ANKRD26: variants seen among roughly 807,000 people sequenced by gnomAD.
ANKRD26 encodes ankyrin repeat domain 26.
ANKRD26 carries 141 observed loss-of-function variants against 208.7 expected under a neutral mutation model. The ratio of observed to expected loss-of-function variants is 0.68; its 90% CI spans 0.59 to 0.78. The LOEUF (loss-of-function observed/expected upper bound fraction) is 0.78. Among genes scored for constraint, ANKRD26 ranks in the 30% least tolerant of loss-of-function variants. The probability of loss-of-function intolerance (pLI) is 0.00; values close to 1 mark genes in which losing one functional copy is unlikely to be tolerated. For synonymous variants in ANKRD26, 636 were observed against 660.4 expected (o/e 0.96, Z 0.57); for missense variants, 1,889 against 1,938.7 (o/e 0.97, Z 0.48).
At chr10:27,003,965 T>A (rs910652829), downstream of ANKRD26, among the ~76,000 whole-genome samples, 3 of 152,174 alleles carry the variant, frequency 2.0e-5, no homozygotes, top group Non-Finnish European at 2.9e-5. Context: ...ATTGGCAAAA[T>A]CTGCGTAAGG....
chr10:27,051,445 T>C (rs1396226228), intron 16 of ANKRD26: 6 of 1,085,014 alleles, frequency 5.5e-6, no homozygotes, highest in African/African-American at 1.7e-5. Flanking sequence ...TTCCAGTTAG[T>C]GGTATTTCGG....
At position 27,027,663 on chromosome 10, in the gene ANKRD26, G is replaced by A. The variant is rs147148561; in HGVS notation, c.3972+1189C>T. ...AAAGTCAAGAGGACTTGCACTACTA[G>A]TAGCAAGTAGTATTACCATGAATAC... On this transcript the variant is annotated intron_variant, in intron 27 of 33. Transcript: ENST00000376087. 5.9e-5 allele frequency among the ~76,000 whole-genome samples: 9 copies of A among 152,220 alleles called. No individual in the cohort carries two copies. The East Asian group carries it at 1.3e-3, about 23-fold the overall frequency.
the ANKRD26 span, among the ~76,000 whole-genome samples, chr10:26,965,605 G>A: frequency 3.9e-5 from 6 of 152,106 alleles, no homozygotes; most frequent in Non-Finnish European, 7.3e-5. Flanking sequence ...CCAAAGCAAT[G>A]GCAACAAAAG....
intron 24 of ANKRD26, 68 bp downstream of exon 24, chr10:27,034,728 A>T: frequency 2.0e-6 from 2 of 993,348 alleles, no homozygotes; most frequent in Non-Finnish European, 3.0e-6. Context: ...AGTTAACTAC[A>T]TAACTATATA....
At chr10:26,991,459 G>A (rs186539532), downstream of ANKRD26, among the ~76,000 whole-genome samples, 296 of 150,794 alleles carry the variant, frequency 2.0e-3, no homozygotes, top group African/African-American at 6.8e-3. Context: ...TTTTTGAGAC[G>A]GAGTTTCACT....
intron 17 of ANKRD26, 99 bp downstream of exon 17, chr10:27,048,702 A>G (rs1255636367): frequency 2.3e-6 from 3 of 1,302,254 alleles, no homozygotes; most frequent in South Asian, 1.3e-5. Flanking sequence ...TCCCTTGCAT[A>G]GTAAAAGTAT....
intron 29 of ANKRD26, among the ~76,000 whole-genome samples, chr10:27,018,144 T>C (rs948914203): frequency 1.4e-5 from 2 of 145,926 alleles, no homozygotes; most frequent in East Asian, 4.0e-4. Flanking sequence ...CCCTATAATT[T>C]TTTTTTTTTT....
chr10:27,079,128 C>T lies in ANKRD26; in HGVS notation c.774G>A (p.Trp258Ter), dbSNP rs771021699. The change falls in exon 7 of 34, where the codon TGG becomes TGA. Residue 258 changes from tryptophan (W) to a stop codon, truncating the protein, a stop_gained. Transcript: ENST00000376087. LOFTEE classifies it high-confidence loss of function. ...LSGKPGVDDS[W>*]PTSDDEDLNF... ...TGAGGTCTTCGTCATCTGAGGTAGG[C>T]CATGAATCATCAACACCCGGTTTGC... The T allele has an allele frequency of 6.2e-7, 1 of 1,613,688 alleles. No individual in the cohort carries two copies. Among genetic ancestry groups the T allele is most frequent in the Non-Finnish European group, 8.5e-7 (1 of 1,179,836 alleles).
chr10:27,005,476 A>T lies in ANKRD26; in HGVS notation c.*114T>A. On this transcript the variant is annotated 3_prime_UTR_variant, in exon 34 of 34. Coordinates refer to ENST00000376087, the MANE Select transcript of ANKRD26 (RefSeq NM_014915.3). ...TGTTTAAAATACTATATAAATTTTG[A>T]TCTGACATATATGATACAAAAATAC... 2.7e-6 allele frequency: 4 copies of T among 1,486,172 alleles called. No individual in the cohort carries two copies. The highest frequency in any genetic ancestry group is 3.6e-6 in the Non-Finnish European group (4 of 1,122,322). 92.1% of individuals were successfully genotyped at this position (1,486,172 alleles called of 1,614,324 possible).
rs1205015736 is a variant in ANKRD26, at chr10:27,029,000, T to C, written c.3879-55A>G. On this transcript the variant is annotated intron_variant, in intron 26 of 33. Coordinates refer to ENST00000376087, the MANE Select transcript of ANKRD26 (RefSeq NM_014915.3). ...TCACAGATAAATTTTTAAAATACTG[T>C]GTAATTTCTTAGCAAACACCTGAAG... is the stretch of plus-strand genomic sequence containing the variant. The C allele has an allele frequency of 2.8e-6, 4 of 1,406,768 alleles. No individual in the cohort carries two copies. In the East Asian group the frequency reaches 1.0e-4, roughly 35 times the overall value. The allele number at this position is 1,406,768 out of a possible 1,614,324, so 87.1% of individuals were successfully genotyped here.
rs764428959 is a variant in ANKRD26, at chr10:27,006,868, GA to G, written c.4999+48del. 2.1e-6 allele frequency: 3 copies of G among 1,424,356 alleles called. No individual in the cohort carries two copies. In the Admixed American group the frequency reaches 5.0e-5, roughly 24 times the overall value. The allele number at this position is 1,424,356 out of a possible 1,614,324, so 88.2% of individuals were successfully genotyped here. A position where few individuals can be genotyped will look rare whatever the true frequency, so the allele number is the denominator to read the frequency against. ...CACTCACGATTTACAATTTATTTCA[GA>G]AATCAATTAATTAATCTAAATTTAA... is the stretch of plus-strand genomic sequence containing the variant. On this transcript the variant is annotated intron_variant, in intron 33 of 33. Coordinates refer to ENST00000376087, the MANE Select transcript of ANKRD26 (RefSeq NM_014915.3).
chr10:27,082,480 C>T (rs2055956546), intron 6 of ANKRD26, among the ~76,000 whole-genome samples: 1 of 152,214 alleles, frequency 6.6e-6, no homozygotes, highest in South Asian at 2.1e-4. Context: ...CTGAATTGAT[C>T]TGATTTGGAC....
intron 15 of ANKRD26, 55 bp from the exon 16 acceptor site, chr10:27,053,445 G>T: frequency 1.8e-6 from 2 of 1,123,600 alleles, no homozygotes; most frequent in Admixed American, 4.0e-5. Context: ...TTAGGTAAAA[G>T]GTATAGTCTT....
In ANKRD26 at chr10:27,068,776, G is replaced by A. The variant is rs1387681857; in HGVS notation, c.1078-1490C>T. Among the ~76,000 whole-genome samples, 6 of 151,992 alleles carry A rather than the reference G, an allele frequency of 3.9e-5. No individual in the cohort carries two copies. In the East Asian group the frequency reaches 9.6e-4, roughly 24 times the overall value. On this transcript the variant is annotated intron_variant, in intron 9 of 33. Transcript: ENST00000376087. ...TAAACATAGATAAACATGGGGGTTG[G>A]GGGAGTGGTCAGGACAAAAATAGAG...
the ANKRD26 span, among the ~76,000 whole-genome samples, chr10:26,960,000 T>C: frequency 6.6e-6 from 1 of 151,488 alleles, no homozygotes. Context: ...CTCTACAAAA[T>C]GAAAAAAAAG....
rs778153447 is a variant in ANKRD26 at position 27,067,148 on chromosome 10, C to G, written c.1207+9G>C. 1.9e-6 allele frequency: 3 copies of G among 1,612,512 alleles called. No homozygotes were observed. The Admixed American group carries it at 5.0e-5, about 27-fold the overall frequency. On this transcript the variant is annotated intron_variant, in intron 10 of 33. Coordinates refer to ENST00000376087, the MANE Select transcript of ANKRD26 (RefSeq NM_014915.3). ...ATAGAAAAATATTCAGAGATATCCA[C>G]TAACTTACCACTTCTATTATTTTTG... is the stretch of plus-strand genomic sequence containing the variant.
At chr10:27,020,769 C>T (rs1421076292) in intron 29 of ANKRD26, among the ~76,000 whole-genome samples, 1 of 152,162 alleles carries the variant, frequency 6.6e-6, no homozygotes, top group Non-Finnish European at 1.5e-5. Flanking sequence ...AGCAATTCTC[C>T]TGCCTCAGCC....
intron 11 of ANKRD26, among the ~76,000 whole-genome samples, 195 bp from the exon 12 acceptor site, chr10:27,064,276 T>A (rs1487568037): frequency 1.3e-5 from 2 of 152,204 alleles, no homozygotes; most frequent in African/African-American, 4.8e-5. Flanking sequence ...ATTAAGCTTA[T>A]CTTTTCATCT....
In ANKRD26 at chr10:27,040,174, A is replaced by C; in HGVS notation, c.2166T>G (p.Ser722=). ...IEQLGMECKD[S]VSLLKIQDAA... The stretch of plus-strand genomic sequence containing the variant: ...CATCCTGGATTTTCAATAGGCTAAC[A>C]GAATCTGTATCAGGAAGAAAACAAG... The change falls in exon 21 of 34, where the codon TCT becomes TCG. Residue 722 remains serine, a synonymous_variant. Coordinates refer to ENST00000376087, the MANE Select transcript of ANKRD26 (RefSeq NM_014915.3). 1 of 1,607,576 alleles carries C rather than the reference A, an allele frequency of 6.2e-7. No individual in the cohort carries two copies.
Sources: gnomAD v4.1 joint callset for allele counts (sites outside exome capture counted in the v4.1 genomes callset) on GRCh38, gnomAD v4.1.1 for gene constraint, MANE v1.5 for transcripts, NCBI Gene and HGNC (gene_info 2026-07-23, HGNC 2026-07-21) for gene names.